The following COL21A1 variants were observed in gnomAD, a reference collection of about 807,000 sequenced individuals.
COL21A1 encodes collagen type XXI alpha 1 chain.
In COL21A1, 149 loss-of-function variants were observed where a neutral mutation model predicts 137.9. That is an observed-to-expected ratio of 1.08 (90% CI 0.95 to 1.24). The LOEUF is 1.24. Ranked by LOEUF, COL21A1 falls within the 50% of genes most tolerant of loss-of-function variation. COL21A1 has a pLI of 0.00. For synonymous variants in COL21A1, 456 were observed against 391.5 expected, an observed-to-expected ratio of 1.16 and a Z score of -1.95; for missense variants, 1,167 against 1,158.4, an observed-to-expected ratio of 1.01 and a Z score of -0.11.
At chr6:56,327,623 T>G (rs1765126831) in intron 1 of COL21A1, among the ~76,000 whole-genome samples, 1 of 152,048 alleles carries the variant, frequency 6.6e-6, no homozygotes, top group South Asian at 2.1e-4. Context: ...GACAGTAGTC[T>G]GGAGCCAAGG....
intron 16 of COL21A1, among the ~76,000 whole-genome samples, chr6:56,102,090 C>T (rs1287282543): frequency 1.3e-5 from 2 of 152,084 alleles, no homozygotes; most frequent in Non-Finnish European, 2.9e-5. Context: ...TATACCTTTA[C>T]ATTACTATGC....
At chr6:56,158,750 G>A (rs978390538) in intron 9 of COL21A1, among the ~76,000 whole-genome samples, 8 of 151,948 alleles carry the variant, frequency 5.3e-5, no homozygotes, top group African/African-American at 1.9e-4. Flanking sequence ...CTCTAATAAG[G>A]AACCAATAAA....
intron 17 of COL21A1, among the ~76,000 whole-genome samples, chr6:56,092,686 C>T (rs1486820267): frequency 6.6e-6 from 1 of 152,120 alleles, no homozygotes; most frequent in East Asian, 1.9e-4. Context: ...TTGCAATATA[C>T]ACCAATACAT....
chr6:56,083,745 G>T lies in COL21A1; in HGVS notation c.1813-6172C>A, dbSNP rs553422660. ...TAAGTCAATAATAATACCTAAAAAAGAAATCTACAAGCTGATGTAATTTGT... is the reference window on the plus strand; with the variant it reads ...TAAGTCAATAATAATACCTAAAAAATAAATCTACAAGCTGATGTAATTTGT... On this transcript the variant is annotated intron_variant, in intron 17 of 29. Coordinates refer to ENST00000244728, the MANE Select transcript of COL21A1 (RefSeq NM_030820.4). Among the ~76,000 whole-genome samples, 8 of 151,956 alleles carry T rather than the reference G, an allele frequency of 5.3e-5. No homozygotes were observed. In the South Asian group the frequency reaches 1.7e-3, roughly 32 times the overall value.
intron 1 of COL21A1, among the ~76,000 whole-genome samples, chr6:56,306,485 C>A (rs1306760917): frequency 6.6e-6 from 1 of 152,216 alleles, no homozygotes; most frequent in African/African-American, 2.4e-5. Flanking sequence ...TTCATTTCAT[C>A]TTCCATCACT....
intron 1 of COL21A1, among the ~76,000 whole-genome samples, chr6:56,239,278 C>T (rs1782109934): frequency 6.6e-6 from 1 of 152,154 alleles, no homozygotes; most frequent in Non-Finnish European, 1.5e-5. Context: ...CAATTAATCA[C>T]ATTCTAACAA....
intron 14 of COL21A1, among the ~76,000 whole-genome samples, chr6:56,125,111 C>T (rs961915979): frequency 1.3e-5 from 2 of 148,836 alleles, no homozygotes; most frequent in African/African-American, 5.0e-5. Flanking sequence ...ACCTCCGCCT[C>T]CCAGGTTCAA....
intron 1 of COL21A1, among the ~76,000 whole-genome samples, chr6:56,260,694 AGGC>A (rs1763244597): frequency 4.2e-5 from 5 of 119,836 alleles, no homozygotes; most frequent in Non-Finnish European, 7.0e-5. Context: ...GAAGGAAGGC[AGGC>A]AGGCAGGCAG....
At chr6:56,142,064 T>C (rs1175487430) in intron 10 of COL21A1, 81 bp from the exon 11 acceptor site, 2 of 1,037,928 alleles carry the variant, frequency 1.9e-6, no homozygotes. Context: ...AATTCACTCT[T>C]ATCTCAAGTT....
intron 1 of COL21A1, among the ~76,000 whole-genome samples, chr6:56,214,288 A>T (rs953180510): frequency 6.6e-6 from 1 of 152,088 alleles, no homozygotes. Context: ...CAACTATAAA[A>T]ATAAATCTGG....
At chr6:56,116,943 T>C (rs954759431) in intron 16 of COL21A1, among the ~76,000 whole-genome samples, 3 of 151,296 alleles carry the variant, frequency 2.0e-5, no homozygotes, top group Non-Finnish European at 3.0e-5. Flanking sequence ...ATACATACAA[T>C]GAATACACAA....
At chr6:56,121,716 G>A (rs1772551853) in intron 16 of COL21A1, among the ~76,000 whole-genome samples, 2 of 151,740 alleles carry the variant, frequency 1.3e-5, no homozygotes, top group African/African-American at 4.8e-5. Context: ...TTGATCATGG[G>A]AGAGCCTGTG....
At chr6:56,334,912 C>T (rs905785042) in intron 1 of COL21A1, among the ~76,000 whole-genome samples, 10 of 152,110 alleles carry the variant, frequency 6.6e-5, no homozygotes, top group Non-Finnish European at 1.2e-4. Context: ...TCAAATATAG[C>T]AGCACAAAAG....
chr6:56,172,238 GT>G lies in COL21A1; in HGVS notation c.641-1111del, dbSNP rs1182116474. Among the ~76,000 whole-genome samples, 10 of 152,108 alleles carry G rather than the reference GT, an allele frequency of 6.6e-5. No homozygotes were observed. In the East Asian group the frequency reaches 1.7e-3, roughly 26 times the overall value. ...CACTGAGACACATTGTAATCTAATC[GT>G]CAAAAGTTAAAGGCAAAGATCACAT... On this transcript the variant is annotated intron_variant, in intron 3 of 29. Coordinates refer to ENST00000244728, the MANE Select transcript of COL21A1 (RefSeq NM_030820.4).
chr6:56,081,247 CT>C (rs922943405), intron 17 of COL21A1, among the ~76,000 whole-genome samples: 49 of 146,268 alleles, frequency 3.4e-4, no homozygotes, highest in Admixed American at 4.1e-4. Context: ...TTTCTTTTTT[CT>C]TTTTTTTTTT....
intron 1 of COL21A1, among the ~76,000 whole-genome samples, chr6:56,264,718 G>A (rs1763356948): frequency 6.6e-6 from 1 of 152,138 alleles, no homozygotes; most frequent in African/African-American, 2.4e-5. Context: ...CTAGTCTGAT[G>A]TTCTTCTGTT....
intron 1 of COL21A1, among the ~76,000 whole-genome samples, chr6:56,292,789 C>T (rs1764082688): frequency 1.3e-5 from 2 of 152,130 alleles, no homozygotes; most frequent in South Asian, 4.2e-4. Flanking sequence ...CTTCTGCCAC[C>T]CAGTGGAGGA....
At chr6:56,212,766 A>C (rs1234560193) in intron 1 of COL21A1, among the ~76,000 whole-genome samples, 1 of 152,070 alleles carries the variant, frequency 6.6e-6, no homozygotes, top group Non-Finnish European at 1.5e-5. Flanking sequence ...ATCTCTAAGA[A>C]TATGTTCACA....
Position 56,070,811 on chromosome 6 carries a change from CA to C in COL21A1, c.1966-14del, listed in dbSNP as rs769729342. On this transcript the variant is annotated splice_polypyrimidine_tract_variant and intron_variant, in intron 20 of 29. Transcript: ENST00000244728. ...CACCTTTGCTTCCCTGTCAACACAT[CA>C]AAAACATTGGAGTTTTTTAAAAACA... The C allele has an allele frequency of 5.0e-6, 8 of 1,586,246 alleles. No individual in the cohort carries two copies. Among genetic ancestry groups the C allele is most frequent in the Non-Finnish European group, 6.8e-6 (8 of 1,168,760 alleles).
Sources: allele counts gnomAD v4.1 joint callset (sites outside exome capture counted in the v4.1 genomes callset), GRCh38; gene constraint gnomAD v4.1.1; transcripts MANE v1.5; gene names NCBI Gene and HGNC (gene_info 2026-07-23, HGNC 2026-07-21).